PNLIPRP1: variants seen among roughly 807,000 people sequenced by gnomAD.
The protein encoded by PNLIPRP1 is pancreatic lipase related protein 1.
Under a neutral mutation model 54.6 loss-of-function variants are expected in PNLIPRP1, and 57 were observed. The observed-to-expected ratio is 1.04, with a 90% CI of 0.84 to 1.30. PNLIPRP1 has a LOEUF of 1.30. PNLIPRP1 is among the 50% of genes most tolerant of loss of function. PNLIPRP1 has a pLI of 0.00. For missense variants in PNLIPRP1, 567 were observed against 568.5 expected (o/e 1.00, Z 0.03); for synonymous variants, 232 against 208.8 (o/e 1.11, Z -0.96).
rs45604841 is a variant in PNLIPRP1, at chr10:116,604,016, C to T, written c.1064-14C>T. 12,651 of 1,540,080 alleles carry T rather than the reference C, an allele frequency of 8.2e-3. 87 individuals are homozygous for T. Among genetic ancestry groups the T allele is most frequent in the Non-Finnish European group, 9.0e-3 (10,071 of 1,116,126 alleles). On this transcript the variant is annotated splice_polypyrimidine_tract_variant and intron_variant, in intron 10 of 12. Coordinates refer to ENST00000358834, the MANE Select transcript of PNLIPRP1 (RefSeq NM_006229.4). ...TGTGTGTGAATAAATTGAACTCTTC[C>T]ATCTCCTGTGCAGGCTGGAGATATG... is the stretch of plus-strand genomic sequence containing the variant.
At position 116,591,168 on chromosome 10, in the gene PNLIPRP1, A is replaced by G; in HGVS notation, c.39A>G (p.Gly13=). 1 of 1,613,248 alleles carries G rather than the reference A, an allele frequency of 6.2e-7. No homozygotes were observed. The highest frequency in any genetic ancestry group is 1.3e-5 in the African/African-American group (1 of 75,026). ...IFWTITLFLL[G]AAKGKEVCYE... is the part of the protein sequence containing the mutation. ...GGACAATCACACTTTTCCTGCTGGG[A>G]GCAGCCAAAGGTAAGAAACACCACT... The change falls in exon 2 of 13, where the codon GGA becomes GGG. Residue 13 remains glycine, a synonymous_variant. Transcript: ENST00000358834.
At position 116,601,067 on chromosome 10, in the gene PNLIPRP1, ATTAGGACAAGTGC is replaced by A; in HGVS notation, c.934-2_944del. On this transcript the variant is annotated splice_acceptor_variant and splice_polypyrimidine_tract_variant and coding_sequence_variant and intron_variant, in exon 10 of 13. Transcript: ENST00000358834. LOFTEE classifies it high-confidence loss of function. ...CTTACAGTCCCATCTATCTCTTCTC[ATTAGGACAAGTGC>A]TTCCCGTGTCCAGATCAAGGATGCC... is the stretch of plus-strand genomic sequence containing the variant. 1 of 1,609,462 alleles carries A rather than the reference ATTAGGACAAGTGC, an allele frequency of 6.2e-7. No individual in the cohort carries two copies. The highest frequency in any genetic ancestry group is 8.5e-7 in the Non-Finnish European group (1 of 1,178,540).
In PNLIPRP1 at chr10:116,604,026, G is replaced by A. The variant is rs1554865172; in HGVS notation, c.1064-4G>A. The A allele has an allele frequency of 2.5e-6, 4 of 1,587,734 alleles. No individual in the cohort carries two copies. The highest frequency in any genetic ancestry group is 1.3e-5 in the African/African-American group (1 of 74,474). On this transcript the variant is annotated splice_region_variant and splice_polypyrimidine_tract_variant and intron_variant, in intron 10 of 12. Transcript: ENST00000358834. Reference sequence around the variant, plus strand: ...TAAATTGAACTCTTCCATCTCCTGTGCAGGCTGGAGATATGGGGTTTCCAT... The same window carrying A: ...TAAATTGAACTCTTCCATCTCCTGTACAGGCTGGAGATATGGGGTTTCCAT...
Position 116,608,728 on chromosome 10 carries a change from C to T in PNLIPRP1, c.1341-325C>T, listed in dbSNP as rs1847977712. On this transcript the variant is annotated intron_variant, in intron 12 of 12. Transcript: ENST00000358834. ...CTGGAAGACAGCATCCCTCTGTAAG[C>T]CAGGCTGCTGGGCCTATGGAGGCCG... is the stretch of plus-strand genomic sequence containing the variant. 2.6e-5 allele frequency among the ~76,000 whole-genome samples: 4 copies of T among 152,358 alleles called. No homozygotes were observed. In the South Asian group the frequency reaches 6.2e-4, roughly 24 times the overall value.
At chr10:116,604,829 C>T (rs1170322137) in intron 11 of PNLIPRP1, among the ~76,000 whole-genome samples, 1 of 151,846 alleles carries the variant, frequency 6.6e-6, no homozygotes, top group Non-Finnish European at 1.5e-5. Context: ...GCTGAGATTA[C>T]AGGCATGTGC....
chr10:116,604,119 C>T lies in PNLIPRP1; in HGVS notation c.1153C>T (p.His385Tyr). 1 of 1,598,558 alleles carries T rather than the reference C, an allele frequency of 6.3e-7. No individual in the cohort carries two copies. Among genetic ancestry groups the T allele is most frequent in the Non-Finnish European group, 8.6e-7 (1 of 1,165,890 alleles). ...TTTGTTTGGAAATAAGGGAAACACT[C>T]ACCAGTACAGTATCTTCAGGTAATT... Reference protein sequence around the residue: ...VALFGNKGNTHQYSIFRGILK... With the variant: ...VALFGNKGNTYQYSIFRGILK... Residue 385 changes from histidine (H) to tyrosine (Y), a missense_variant, in exon 11 of 13, where the codon CAC becomes TAC. By Grantham distance (83) the His-to-Tyr change is moderately conservative (BLOSUM62 2). Coordinates refer to ENST00000358834, the MANE Select transcript of PNLIPRP1 (RefSeq NM_006229.4).
At chr10:116,598,196 G>T (rs782226848) in intron 8 of PNLIPRP1, 30 bp downstream of exon 8, 2 of 1,599,052 alleles carry the variant, frequency 1.3e-6, no homozygotes, top group Admixed American at 1.7e-5. Flanking sequence ...AGGGGAGCAG[G>T]GCGGGTACTT....
intron 12 of PNLIPRP1, among the ~76,000 whole-genome samples, chr10:116,606,403 A>C (rs187371111): frequency 9.5e-4 from 145 of 152,268 alleles, no homozygotes; most frequent in African/African-American, 3.2e-3. Context: ...GGTGGGTGGA[A>C]CCAGGAGGCC....
At chr10:116,592,082 G>A (rs1221761211) in intron 3 of PNLIPRP1, 157 bp downstream of exon 3, 7 of 737,684 alleles carry the variant, frequency 9.5e-6, no homozygotes, top group African/African-American at 1.8e-5. Context: ...GACAGAGCAG[G>A]TCTTTAGTAA....
chr10:116,595,952 G>C (rs1353993743), intron 5 of PNLIPRP1: 1 of 349,632 alleles, frequency 2.9e-6, no homozygotes, highest in East Asian at 5.5e-5. Context: ...ACAACAAGAA[G>C]AGAAGAACAA....
At chr10:116,599,257 AAAATAAAATAAAAT>A (rs1554864413) in intron 8 of PNLIPRP1, among the ~76,000 whole-genome samples, 4 of 30,062 alleles carry the variant, frequency 1.3e-4, no homozygotes, top group Non-Finnish European at 4.3e-4. Context: ...CTCCATCTCG[AAAATAAAATAAAAT>A]AAAATAAAAT....
At chr10:116,608,013 G>A (rs917181861) in intron 12 of PNLIPRP1, among the ~76,000 whole-genome samples, 20 of 152,072 alleles carry the variant, frequency 1.3e-4, no homozygotes, top group African/African-American at 4.8e-4. Flanking sequence ...GCACCACCAC[G>A]CCCGGCTAAT....
chr10:116,591,221 A>G (rs1231101926), intron 2 of PNLIPRP1, 43 bp downstream of exon 2: 2 of 1,521,310 alleles, frequency 1.3e-6, no homozygotes, highest in African/African-American at 1.4e-5. Context: ...GCTTAAACTT[A>G]AGCTCTCAGC....
At chr10:116,607,935 A>G (rs1325192158) in intron 12 of PNLIPRP1, among the ~76,000 whole-genome samples, 1 of 152,142 alleles carries the variant, frequency 6.6e-6, no homozygotes, top group East Asian at 1.9e-4. Context: ...GCTCCACTGC[A>G]ACCTCCACCT....
chr10:116,608,154 G>A (rs1847968471), intron 12 of PNLIPRP1, among the ~76,000 whole-genome samples: 1 of 152,212 alleles, frequency 6.6e-6, no homozygotes, highest in Non-Finnish European at 1.5e-5. Flanking sequence ...ACCACACCAG[G>A]CCTTGCCTTG....
At chr10:116,592,182 CA>C in intron 3 of PNLIPRP1, 1 of 635,044 alleles carries the variant, frequency 1.6e-6, no homozygotes, top group Non-Finnish European at 2.7e-6. Flanking sequence ...TACTGTCTAA[CA>C]AAAACCACAG....
Position 116,596,315 on chromosome 10 carries a change from G to C in PNLIPRP1, c.567G>C (p.Arg189Ser). ...EAGSKTPGLS[R>S]ITGLDPVEAS... ...GAAGCAAGACTCCAGGCCTGAGCAG[G>C]ATTACAGGTAAGGCCCCAGAGGCAG... Residue 189 changes from arginine (R) to serine (S), a missense_variant, in exon 6 of 13, where the codon AGG becomes AGC. Transcript: ENST00000358834. 1 of 1,605,484 alleles carries C rather than the reference G, an allele frequency of 6.2e-7. No homozygotes were observed. Among genetic ancestry groups the C allele is most frequent in the South Asian group, 1.1e-5 (1 of 90,758 alleles).
Position 116,604,076 on chromosome 10 carries a change from T to C in PNLIPRP1, c.1110T>C (p.Thr370=), listed in dbSNP as rs782672710. The change falls in exon 11 of 13, where the codon ACT becomes ACC. Residue 370 remains threonine (T), a synonymous_variant. Coordinates refer to ENST00000358834, the MANE Select transcript of PNLIPRP1 (RefSeq NM_006229.4). ...TCACACTGTCTGGAAGAACAGCCAC[T>C]GGTCAGATCAAAGTTGCTTTGTTTG... The part of the protein sequence containing the change: ...VSITLSGRTA[T]GQIKVALFGN... The C allele has an allele frequency of 2.5e-6, 4 of 1,613,864 alleles. No homozygotes were observed. The South Asian group carries it at 3.3e-5, about 13-fold the overall frequency.
chr10:116,601,278 C>A, intron 10 of PNLIPRP1, 77 bp downstream of exon 10: 2 of 1,329,008 alleles, frequency 1.5e-6, no homozygotes, highest in South Asian at 1.4e-5. Context: ...TTGCTTTCAA[C>A]CTGAAATATT....
Sources: allele counts gnomAD v4.1 joint callset (sites outside exome capture counted in the v4.1 genomes callset), GRCh38; gene constraint gnomAD v4.1.1; transcripts MANE v1.5; gene names NCBI Gene and HGNC (gene_info 2026-07-23, HGNC 2026-07-21).